Variants in MAML3 observed in about 807,000 individuals in gnomAD.
MAML3 encodes the protein mastermind like transcriptional coactivator 3.
Under a neutral mutation model 101.9 loss-of-function variants are expected in MAML3, and 27 were observed. That is an observed-to-expected ratio of 0.27 (90% confidence interval 0.20 to 0.37). The LOEUF is 0.37. MAML3 is among the 10% of genes least tolerant of loss of function. The probability of loss-of-function intolerance (pLI) is 1.00; values close to 1 mark genes in which losing one functional copy is unlikely to be tolerated. For missense variants in MAML3, 1,316 were observed against 1,444.9 expected (o/e 0.91, Z 1.45); for synonymous variants, 501 against 555.9 (o/e 0.90, Z 1.39).
intron 1 of MAML3, among the ~76,000 whole-genome samples, chr4:139,915,822 G>C (rs942715868): frequency 1.3e-5 from 2 of 152,082 alleles, no homozygotes; most frequent in Non-Finnish European, 2.9e-5. Context: ...GTAGGGATGG[G>C]GACAGGAATT....
At chr4:140,147,650 T>TTTAAATATGTTCTTC (rs1264048000) in intron 1 of MAML3, among the ~76,000 whole-genome samples, 1 of 152,186 alleles carries the variant, frequency 6.6e-6, no homozygotes, top group Non-Finnish European at 1.5e-5. Flanking sequence ...GACAGTGAGT[T>TTTAAATATGTTCTTC]TTAAATATGT....
chr4:139,864,923 C>CTTT (rs56361332), intron 2 of MAML3, among the ~76,000 whole-genome samples: 909 of 61,410 alleles, frequency 0.015, 122 homozygotes, highest in East Asian at 0.052. Flanking sequence ...TGCAAACTTG[C>CTTT]TTTTTTTTTT....
chr4:139,856,842 A>G (rs930696010), intron 2 of MAML3, among the ~76,000 whole-genome samples: 2 of 152,210 alleles, frequency 1.3e-5, no homozygotes, highest in African/African-American at 4.8e-5. Flanking sequence ...CTAATAACCC[A>G]TATCTGTATG....
At chr4:139,832,468 G>T (rs1731185532) in intron 2 of MAML3, among the ~76,000 whole-genome samples, 1 of 151,974 alleles carries the variant, frequency 6.6e-6, no homozygotes, top group South Asian at 2.1e-4. Flanking sequence ...CTTGAGGGAG[G>T]AGTTGGGTGT....
intron 1 of MAML3, among the ~76,000 whole-genome samples, chr4:139,949,654 T>C (rs1431660197): frequency 6.6e-6 from 1 of 152,254 alleles, no homozygotes; most frequent in Non-Finnish European, 1.5e-5. Flanking sequence ...TATCAAGATA[T>C]GAAACCTAAA....
rs1299213095 is a variant in MAML3, at chr4:139,890,867, T to C, written c.569A>G (p.Lys190Arg). The C allele has an allele frequency of 6.2e-7, 1 of 1,613,832 alleles. No homozygotes were observed. The highest frequency in any genetic ancestry group is 1.7e-5 in the Admixed American group (1 of 59,986). The part of the protein sequence containing the change: ...ACDGNFSPTS[K>R]RIRKDISAGM... ...CGCAGAAATGTCCTTTCGAATTCGT[T>C]TGCTAGTCGGAGAAAAATTCCCATC... Residue 190 changes from lysine (K) to arginine (R), a missense_variant, in exon 2 of 5, where the codon AAA becomes AGA. By Grantham distance (26) the Lys-to-Arg change is conservative. Transcript: ENST00000509479. The surrounding 1 kb of genome is among the most constrained non-coding windows in gnomAD (Gnocchi z 4.1).
At chr4:140,107,083 CTG>C (rs1042013213) in intron 1 of MAML3, among the ~76,000 whole-genome samples, 1 of 152,146 alleles carries the variant, frequency 6.6e-6, no homozygotes. Flanking sequence ...GTTAGTCAGG[CTG>C]GTCTCTAACT....
intron 1 of MAML3, among the ~76,000 whole-genome samples, chr4:140,102,474 CCTAT>C (rs1728270509): frequency 6.6e-6 from 1 of 152,188 alleles, no homozygotes. Context: ...ATGGCCGCCT[CCTAT>C]CTGTGTCCTC....
intron 1 of MAML3, among the ~76,000 whole-genome samples, chr4:140,150,730 TCTC>T (rs1256058676): frequency 6.6e-6 from 1 of 151,058 alleles, no homozygotes; most frequent in Non-Finnish European, 1.5e-5. Flanking sequence ...ACAAAGTGAA[TCTC>T]CTCCTCCGTG....
At chr4:140,117,646 C>T (rs1728537016) in intron 1 of MAML3, among the ~76,000 whole-genome samples, 1 of 138,218 alleles carries the variant, frequency 7.2e-6, no homozygotes, top group Admixed American at 7.4e-5. Context: ...TATGTGTATA[C>T]AGGTATATAT....
At chr4:139,994,269 C>T (rs1452342211) in intron 1 of MAML3, among the ~76,000 whole-genome samples, 2 of 152,158 alleles carry the variant, frequency 1.3e-5, no homozygotes, top group East Asian at 3.8e-4. Context: ...GTGTATAAGT[C>T]TTACACTTCT....
chr4:139,736,656 G>T (rs914397801), intron 2 of MAML3, among the ~76,000 whole-genome samples: 5 of 152,122 alleles, frequency 3.3e-5, no homozygotes, highest in Non-Finnish European at 5.9e-5. Flanking sequence ...AAAAATTAGG[G>T]GTTCTCAAAG....
intron 1 of MAML3, among the ~76,000 whole-genome samples, chr4:139,974,304 A>G (rs1734290162): frequency 6.6e-6 from 1 of 152,036 alleles, no homozygotes; most frequent in African/African-American, 2.4e-5. Flanking sequence ...ACAGGGTTTC[A>G]CAGTGTTAGC....
intron 1 of MAML3, among the ~76,000 whole-genome samples, chr4:139,926,027 G>A (rs901270648): frequency 6.6e-6 from 1 of 152,148 alleles, no homozygotes; most frequent in African/African-American, 2.4e-5. Context: ...GAAAAAGGAG[G>A]ACATGCTGCT....
intron 2 of MAML3, among the ~76,000 whole-genome samples, chr4:139,832,331 T>A (rs947037402): frequency 1.3e-5 from 2 of 150,636 alleles, no homozygotes; most frequent in Non-Finnish European, 3.0e-5. Context: ...AGGCTGGTCT[T>A]GAAGTCCTGA....
intron 2 of MAML3, among the ~76,000 whole-genome samples, chr4:139,844,863 G>A (rs1425810652): frequency 2.0e-5 from 3 of 152,214 alleles, no homozygotes; most frequent in East Asian, 1.9e-4. Context: ...ATGCCAGAGA[G>A]CTGAACAAAA....
intron 1 of MAML3, among the ~76,000 whole-genome samples, chr4:139,974,269 C>A (rs1734287929): frequency 6.6e-6 from 1 of 152,048 alleles, no homozygotes. Context: ...CCACGCCCAG[C>A]TAATTTTTTG....
intron 1 of MAML3, among the ~76,000 whole-genome samples, chr4:140,036,349 G>A (rs9993717): frequency 0.99 from 151,409 of 152,342 alleles, 75,245 homozygotes; most frequent in Middle Eastern, 1. Context: ...CCGTCACCCA[G>A]CATGCAGGAA....
chr4:139,766,679 T>C lies in MAML3; in HGVS notation c.2080-36012A>G, dbSNP rs1260562115. ...ATCTTCTCCTTCTTCTCCCGACAAC[T>C]CCAAGTCCGCCATTTCCTTCTACCA... On this transcript the variant is annotated intron_variant, in intron 2 of 4. Transcript: ENST00000509479. Among the ~76,000 whole-genome samples, 3 of 152,224 alleles carry C rather than the reference T, an allele frequency of 2.0e-5. No homozygotes were observed. The East Asian group carries it at 5.8e-4, about 29-fold the overall frequency.
Sources: allele counts gnomAD v4.1 joint callset (sites outside exome capture counted in the v4.1 genomes callset), GRCh38; gene constraint gnomAD v4.1.1; non-coding constraint Gnocchi (gnomAD v3.1); transcripts MANE v1.5; gene names NCBI Gene and HGNC (gene_info 2026-07-23, HGNC 2026-07-21).